The following CCDC148 variants were observed in gnomAD, a reference collection of about 807,000 sequenced individuals.
The protein encoded by CCDC148 is coiled-coil domain containing 148, also known as coiled-coil domain-containing protein 148.
A neutral mutation model predicts 85.7 loss-of-function variants in CCDC148; 89 were observed. That is an observed-to-expected ratio of 1.04 (90% CI 0.87 to 1.24). CCDC148 has a LOEUF of 1.24. Ranked by LOEUF, CCDC148 falls within the 50% of genes most tolerant of loss-of-function variation. The pLI, the probability that CCDC148 is intolerant of heterozygous loss-of-function variation, is 0.00. For synonymous variants in CCDC148, 230 were observed against 213.9 expected, an observed-to-expected ratio of 1.08 and a Z score of -0.66; for missense variants, 692 against 671.7, an observed-to-expected ratio of 1.03 and a Z score of -0.33.
At chr2:158,450,187 T>C (rs144271163) in intron 1 of CCDC148, among the ~76,000 whole-genome samples, 35 of 152,318 alleles carry the variant, frequency 2.3e-4, no homozygotes, top group Non-Finnish European at 4.6e-4. Context: ...GCATATATTT[T>C]TTGAATGATT....
At chr2:158,207,139 C>T (rs929246969) in intron 11 of CCDC148, among the ~76,000 whole-genome samples, 1 of 152,196 alleles carries the variant, frequency 6.6e-6, no homozygotes, top group Non-Finnish European at 1.5e-5. Flanking sequence ...CATAGTATCG[C>T]ACAAGACATT....
At chr2:158,250,143 C>T (rs1521866) in intron 10 of CCDC148, among the ~76,000 whole-genome samples, 77,903 of 151,750 alleles carry the variant, frequency 0.51, 20,219 homozygotes, top group South Asian at 0.7. Flanking sequence ...AAGTATCTCA[C>T]ATATATATTT....
intron 2 of CCDC148, 69 bp downstream of exon 2, chr2:158,358,380 C>T (rs990883530): frequency 1.3e-6 from 2 of 1,532,936 alleles, no homozygotes; most frequent in Non-Finnish European, 1.8e-6. Context: ...TTCACATTGA[C>T]AATGTAAATA....
At chr2:158,291,950 T>C (rs1373537571) in intron 9 of CCDC148, among the ~76,000 whole-genome samples, 1 of 152,220 alleles carries the variant, frequency 6.6e-6, no homozygotes, top group Non-Finnish European at 1.5e-5. Context: ...ATAAATTCCA[T>C]CTCTTGTGAA....
intron 9 of CCDC148, among the ~76,000 whole-genome samples, chr2:158,273,940 T>A (rs1221375176): frequency 2.0e-5 from 3 of 152,094 alleles, no homozygotes; most frequent in African/African-American, 4.8e-5. Context: ...GAAAAGAGGA[T>A]AGTGTTTTCT....
intron 1 of CCDC148, among the ~76,000 whole-genome samples, chr2:158,418,457 G>C (rs76136261): frequency 0.18 from 26,876 of 152,074 alleles, 3,104 homozygotes; most frequent in Middle Eastern, 0.26. Flanking sequence ...TCCTCTTCCA[G>C]CCTTAAAAAC....
At chr2:158,190,761 T>A (rs1029670426) in intron 11 of CCDC148, among the ~76,000 whole-genome samples, 1 of 152,056 alleles carries the variant, frequency 6.6e-6, no homozygotes. Context: ...TAAATTCTTA[T>A]GCTAATTTTG....
intron 10 of CCDC148, among the ~76,000 whole-genome samples, chr2:158,243,198 G>T (rs1234035032): frequency 6.6e-6 from 1 of 152,052 alleles, no homozygotes; most frequent in Non-Finnish European, 1.5e-5. Flanking sequence ...TCAAAAAAAT[G>T]CAAGGGGCCA....
At chr2:158,214,157 T>C (rs1249372492) in intron 11 of CCDC148, among the ~76,000 whole-genome samples, 1 of 151,142 alleles carries the variant, frequency 6.6e-6, no homozygotes, top group Non-Finnish European at 1.5e-5. Context: ...CAAAGATACA[T>C]TCTTATGTCT....
chr2:158,182,614 C>T (rs1684957946), intron 11 of CCDC148, among the ~76,000 whole-genome samples: 1 of 152,114 alleles, frequency 6.6e-6, no homozygotes, highest in South Asian at 2.1e-4. Flanking sequence ...GAGCCGACCA[C>T]AGTTGCATTG....
chr2:158,242,369 C>A (rs976360953), intron 10 of CCDC148, among the ~76,000 whole-genome samples: 2 of 152,112 alleles, frequency 1.3e-5, no homozygotes, highest in Non-Finnish European at 2.9e-5. Flanking sequence ...TTTACTGAGG[C>A]CTTTCTAAGT....
rs745998285 is a variant in CCDC148, at chr2:158,332,413, G to A, written c.764+6313C>T. 1.4e-4 allele frequency among the ~76,000 whole-genome samples: 20 copies of A among 146,308 alleles called. 1 individual carries two copies. The highest frequency in any genetic ancestry group is 2.6e-4 in the Non-Finnish European group (17 of 66,610). ...ATGGGCTTCCCCTTGTGGGTAACCC[G>A]ACCTTTCTCTCTGGCTGCCCTTAAC... On this transcript the variant is annotated intron_variant, in intron 7 of 13. Coordinates refer to ENST00000283233, the MANE Select transcript of CCDC148 (RefSeq NM_138803.4).
At chr2:158,218,888 A>AT (rs1687026863) in intron 11 of CCDC148, among the ~76,000 whole-genome samples, 1 of 152,216 alleles carries the variant, frequency 6.6e-6, no homozygotes, top group South Asian at 2.1e-4. Context: ...AAACTCTAAA[A>AT]TCCTGAGCTA....
chr2:158,342,166 A>G (rs1559084096), intron 3 of CCDC148, among the ~76,000 whole-genome samples: 1 of 150,970 alleles, frequency 6.6e-6, no homozygotes, highest in Non-Finnish European at 1.5e-5. Context: ...AGTAGCTGGG[A>G]CTACAGGTGC....
chr2:158,271,203 A>G (rs1305722399), intron 9 of CCDC148, among the ~76,000 whole-genome samples: 1 of 152,110 alleles, frequency 6.6e-6, no homozygotes, highest in Non-Finnish European at 1.5e-5. Context: ...AGGCTTTTAT[A>G]TATACTTTTC....
intron 7 of CCDC148, among the ~76,000 whole-genome samples, chr2:158,329,364 A>C (rs1692969153): frequency 6.6e-6 from 1 of 152,120 alleles, no homozygotes; most frequent in Non-Finnish European, 1.5e-5. Flanking sequence ...GTTCTGTTCC[A>C]TTGATGCATA....
intron 9 of CCDC148, 72 bp from the exon 10 acceptor site, chr2:158,250,984 T>A: frequency 7.3e-7 from 1 of 1,370,560 alleles, no homozygotes; most frequent in Non-Finnish European, 1.0e-6. Context: ...ATAATAAGAC[T>A]AGGCTCTATA....
At chr2:158,429,335 G>A (rs1687225429) in intron 1 of CCDC148, among the ~76,000 whole-genome samples, 1 of 151,198 alleles carries the variant, frequency 6.6e-6, no homozygotes, top group South Asian at 2.1e-4. Context: ...TAATGTCATA[G>A]GTAAGATTTC....
chr2:158,246,583 T>A (rs1399839142), intron 10 of CCDC148, among the ~76,000 whole-genome samples: 1 of 152,112 alleles, frequency 6.6e-6, no homozygotes, highest in Non-Finnish European at 1.5e-5. Context: ...TGAGGAAAAC[T>A]GGGACCCAGT....
Sources: gnomAD v4.1 joint callset for allele counts (sites outside exome capture counted in the v4.1 genomes callset) on GRCh38, gnomAD v4.1.1 for gene constraint, MANE v1.5 for transcripts, NCBI Gene and HGNC (gene_info 2026-07-23, HGNC 2026-07-21) for gene names.